RAPGEF4: variants seen among roughly 807,000 people sequenced by gnomAD.
RAPGEF4 encodes RAP guanine-nucleotide-exchange factor (GEF) 4.
Under a neutral mutation model 147.9 loss-of-function variants are expected in RAPGEF4, and 66 were observed. The ratio of observed to expected loss-of-function variants is 0.45; its 90% CI spans 0.37 to 0.55. RAPGEF4 has a LOEUF of 0.55. RAPGEF4 is among the 20% of genes least tolerant of loss of function. The pLI is 0.00. For synonymous variants in RAPGEF4, 419 were observed against 442.7 expected, an observed-to-expected ratio of 0.95 and a Z score of 0.67; for missense variants, 1,071 against 1,257.3, an observed-to-expected ratio of 0.85 and a Z score of 2.24.
chr2:172,970,065 T>A (rs1690290787), intron 10 of RAPGEF4, among the ~76,000 whole-genome samples: 1 of 152,170 alleles, frequency 6.6e-6, no homozygotes, highest in Admixed American at 6.5e-5. Flanking sequence ...CTTCTGGAAC[T>A]CTTCAGTTTT....
chr2:172,788,691 C>T (rs1468158937), intron 1 of RAPGEF4, among the ~76,000 whole-genome samples: 1 of 151,666 alleles, frequency 6.6e-6, no homozygotes, highest in Non-Finnish European at 1.5e-5. Context: ...TCAAGACCAC[C>T]CTGGGCAACA....
At chr2:172,996,841 T>C (rs1451718151) in intron 16 of RAPGEF4, among the ~76,000 whole-genome samples, 1 of 152,210 alleles carries the variant, frequency 6.6e-6, no homozygotes, top group African/African-American at 2.4e-5. Flanking sequence ...TCCCACCTTC[T>C]ATAGGCATCT....
intron 1 of RAPGEF4, among the ~76,000 whole-genome samples, chr2:172,779,223 C>A (rs1232590115): frequency 6.6e-6 from 1 of 152,062 alleles, no homozygotes; most frequent in Non-Finnish European, 1.5e-5. Flanking sequence ...CAAAATAAAT[C>A]AATCAATAAA....
intron 1 of RAPGEF4, among the ~76,000 whole-genome samples, chr2:172,738,311 T>C (rs996226596): frequency 6.6e-6 from 1 of 152,158 alleles, no homozygotes; most frequent in Non-Finnish European, 1.5e-5. Context: ...TGCTGGGCAC[T>C]GGGGATGCAA....
intron 16 of RAPGEF4, among the ~76,000 whole-genome samples, chr2:172,997,366 GACCTC>G (rs1693470589): frequency 6.6e-6 from 1 of 152,128 alleles, no homozygotes; most frequent in African/African-American, 2.4e-5. Context: ...CCTCATTAAG[GACCTC>G]ACCTTAACTT....
intron 4 of RAPGEF4, among the ~76,000 whole-genome samples, chr2:172,841,505 C>T (rs1201686480): frequency 6.6e-6 from 1 of 152,138 alleles, no homozygotes; most frequent in Non-Finnish European, 1.5e-5. Flanking sequence ...CACACACACA[C>T]TTACAATTTT....
chr2:172,945,524 CTT>C (rs985723497), intron 6 of RAPGEF4, among the ~76,000 whole-genome samples: 7 of 151,846 alleles, frequency 4.6e-5, no homozygotes, highest in East Asian at 1.9e-4. Context: ...AGAAAAAAGT[CTT>C]TTACAATTTT....
At chr2:172,898,657 G>T (rs1040177267) in intron 4 of RAPGEF4, among the ~76,000 whole-genome samples, 6 of 152,190 alleles carry the variant, frequency 3.9e-5, no homozygotes, top group Admixed American at 6.5e-5. Flanking sequence ...GTCCTGGAGG[G>T]ACAGGTGGGT....
At chr2:173,036,077 G>A (rs757689669) in intron 27 of RAPGEF4, 48 bp from the exon 28 acceptor site, 1 of 1,355,738 alleles carries the variant, frequency 7.4e-7, no homozygotes, top group Non-Finnish European at 1.1e-6. Context: ...AACAAAGGGT[G>A]GTGTATCTGT....
At chr2:172,791,816 A>T (rs1685857797) in intron 1 of RAPGEF4, among the ~76,000 whole-genome samples, 1 of 152,058 alleles carries the variant, frequency 6.6e-6, no homozygotes, top group South Asian at 2.1e-4. Flanking sequence ...AAGTACCTAC[A>T]TTTTTCTTCT....
intron 1 of RAPGEF4, among the ~76,000 whole-genome samples, chr2:172,764,839 C>T (rs1696678360): frequency 6.6e-6 from 1 of 152,172 alleles, no homozygotes. Context: ...GCAATTTGGT[C>T]AGCCTTATCA....
At chr2:172,754,967 C>G (rs1198298727) in intron 1 of RAPGEF4, among the ~76,000 whole-genome samples, 1 of 152,034 alleles carries the variant, frequency 6.6e-6, no homozygotes, top group Non-Finnish European at 1.5e-5. Flanking sequence ...GGCATGAACC[C>G]AGGATGCAGA....
At chr2:172,921,509 T>G (rs1280375084) in intron 5 of RAPGEF4, among the ~76,000 whole-genome samples, 1 of 152,236 alleles carries the variant, frequency 6.6e-6, no homozygotes, top group Non-Finnish European at 1.5e-5. Flanking sequence ...CACCTCATAC[T>G]GCTCCACTAG....
At chr2:172,804,790 A>G (rs1195324932) in intron 3 of RAPGEF4, among the ~76,000 whole-genome samples, 1 of 152,224 alleles carries the variant, frequency 6.6e-6, no homozygotes, top group Non-Finnish European at 1.5e-5. Context: ...TATTAAAAAA[A>G]GTCATGATTC....
intron 10 of RAPGEF4, among the ~76,000 whole-genome samples, chr2:172,969,397 T>C (rs147587866): frequency 6.6e-6 from 1 of 152,346 alleles, no homozygotes; most frequent in Non-Finnish European, 1.5e-5. Context: ...TGGAGGAAGA[T>C]GTAGTGTGTG....
In RAPGEF4 at chr2:173,020,615, C is replaced by T; in HGVS notation, c.2156-3C>T. ...GGCAATCTCATGCTTTTTATGTTCA[C>T]AGAAAAGGTGGTGCTCAAACCTAAT... On this transcript the variant is annotated splice_polypyrimidine_tract_variant and splice_region_variant and intron_variant, in intron 22 of 30. Transcript: ENST00000397081. 1 of 1,611,412 alleles carries T rather than the reference C, an allele frequency of 6.2e-7. No individual in the cohort carries two copies. Among genetic ancestry groups the T allele is most frequent in the South Asian group, 1.1e-5 (1 of 90,904 alleles).
intron 4 of RAPGEF4, among the ~76,000 whole-genome samples, chr2:172,817,662 CTATGGAAAA>C (rs1422920154): frequency 6.6e-6 from 1 of 152,060 alleles, no homozygotes; most frequent in Admixed American, 6.6e-5. Context: ...AGTGCAACCA[CTATGGAAAA>C]CAGTGTGGAG....
intron 29 of RAPGEF4, among the ~76,000 whole-genome samples, chr2:173,039,480 T>C (rs1684480442): frequency 6.6e-6 from 1 of 150,490 alleles, no homozygotes; most frequent in Admixed American, 6.6e-5. Context: ...AAAAAAAAGT[T>C]CAAGCAGGTA....
intron 1 of RAPGEF4, among the ~76,000 whole-genome samples, chr2:172,783,468 G>A (rs1368060030): frequency 6.6e-6 from 1 of 152,182 alleles, no homozygotes; most frequent in Non-Finnish European, 1.5e-5. Flanking sequence ...CCTAGTGGCG[G>A]CTGTGCAGGC....
Sources: allele counts gnomAD v4.1 joint callset (sites outside exome capture counted in the v4.1 genomes callset), GRCh38; gene constraint gnomAD v4.1.1; transcripts MANE v1.5; gene names NCBI Gene and HGNC (gene_info 2026-07-23, HGNC 2026-07-21).